AFAP1: variants seen among roughly 807,000 people sequenced by gnomAD.
AFAP1 encodes actin filament associated protein 1.
In AFAP1, 75 loss-of-function variants were observed where a neutral mutation model predicts 93.9. The ratio of observed to expected loss-of-function variants is 0.80; its 90% confidence interval spans 0.66 to 0.97. The LOEUF is 0.97. AFAP1 is among the 50% of genes least tolerant of loss of function. The pLI is 0.00. For missense variants in AFAP1, 1,201 were observed against 1,050.8 expected (o/e 1.14, Z -1.98); for synonymous variants, 517 against 430.7 (o/e 1.20, Z -2.48).
chr4:7,919,996 T>C (rs1044206674), intron 1 of AFAP1, among the ~76,000 whole-genome samples: 161 of 152,314 alleles, frequency 1.1e-3, no homozygotes, highest in African/African-American at 3.5e-3. Context: ...GATGGGTGAA[T>C]AGTATTCCAT....
chr4:7,925,926 T>A (rs1720708437), intron 1 of AFAP1, among the ~76,000 whole-genome samples: 1 of 152,202 alleles, frequency 6.6e-6, no homozygotes, highest in African/African-American at 2.4e-5. Flanking sequence ...TCTATCTTCA[T>A]CTTTAATAAA....
chr4:7,857,827 C>G (rs1423196053), intron 3 of AFAP1, among the ~76,000 whole-genome samples: 3 of 152,198 alleles, frequency 2.0e-5, no homozygotes, highest in Non-Finnish European at 4.4e-5. Context: ...AGGTCAGACT[C>G]CTTTCCTCAG....
intron 4 of AFAP1, among the ~76,000 whole-genome samples, chr4:7,850,222 A>G (rs77194227): frequency 0.021 from 3,126 of 152,308 alleles, 110 homozygotes; most frequent in African/African-American, 0.071. Context: ...CTATGAGGAT[A>G]AAATGAAGGA....
chr4:7,858,696 C>T (rs965631162), intron 3 of AFAP1, among the ~76,000 whole-genome samples: 31 of 152,180 alleles, frequency 2.0e-4, no homozygotes, highest in Non-Finnish European at 3.8e-4. Flanking sequence ...AGGCGCACAG[C>T]CACTCACATC....
intron 1 of AFAP1, among the ~76,000 whole-genome samples, chr4:7,931,886 A>T (rs1032930115): frequency 6.6e-6 from 1 of 151,636 alleles, no homozygotes; most frequent in African/African-American, 2.4e-5. Flanking sequence ...TTTGAGACGG[A>T]GTCTCACTTT....
intron 1 of AFAP1, among the ~76,000 whole-genome samples, chr4:7,877,178 T>C (rs1717560801): frequency 1.3e-5 from 2 of 151,758 alleles, no homozygotes; most frequent in Admixed American, 1.3e-4. Context: ...TATGTTTATC[T>C]CCTAACACCT....
rs568109796 is a variant in AFAP1 at position 7,773,036 on chromosome 4, T to C, written c.2063-26A>G. On this transcript the variant is annotated intron_variant, in intron 15 of 17. Transcript: ENST00000420658. The stretch of plus-strand genomic sequence containing the variant: ...CTGGAATTCCCAGAAACGCCGTTAC[T>C]CCCGCGGCAGGCACAGGTTCTCCAA... The C allele has an allele frequency of 9.4e-6, 15 of 1,597,940 alleles. 1 individual carries two copies. In the East Asian group the frequency reaches 2.9e-4, roughly 31 times the overall value.
intron 1 of AFAP1, among the ~76,000 whole-genome samples, chr4:7,881,109 C>T (rs185268753): frequency 2.0e-5 from 3 of 152,284 alleles, no homozygotes; most frequent in East Asian, 3.9e-4. Flanking sequence ...TATAGAAACT[C>T]CCAGGACCTA....
chr4:7,842,977 T>C (rs1234805866), intron 5 of AFAP1, 162 bp downstream of exon 5: 3 of 709,208 alleles, frequency 4.2e-6, no homozygotes, highest in Non-Finnish European at 6.9e-6. Context: ...TGATGGCATG[T>C]GGGGGCCCCT....
rs1713910817 is a variant in AFAP1, at chr4:7,762,220, C to G, written c.*1545G>C. On this transcript the variant is annotated 3_prime_UTR_variant, in exon 18 of 18. Transcript: ENST00000420658. The stretch of plus-strand genomic sequence containing the variant: ...CTGTAAAGTCCCGTGCACCACACAG[C>G]TAGCGCTCTGAAAGTATGTCTGGGG... The G allele has an allele frequency of 6.6e-6, 1 of 152,260 alleles. No individual in the cohort carries two copies. The highest frequency in any genetic ancestry group is 1.5e-5 in the Non-Finnish European group (1 of 68,056). 9.4% of individuals were successfully genotyped at this position (152,260 alleles called of 1,614,324 possible).
chr4:7,922,833 A>G (rs1248526891), intron 1 of AFAP1, among the ~76,000 whole-genome samples: 1 of 152,122 alleles, frequency 6.6e-6, no homozygotes, highest in Non-Finnish European at 1.5e-5. Context: ...AAAAATTTAA[A>G]AATTAGCTAG....
At position 7,847,142 on chromosome 4, in the gene AFAP1, G is replaced by A. The variant is rs759876724; in HGVS notation, c.335-3792C>T. On this transcript the variant is annotated intron_variant, in intron 4 of 17. Coordinates refer to ENST00000420658, the MANE Select transcript of AFAP1 (RefSeq NM_001134647.2). ...CAAAGGATAATGAACTCTCCAGAAAGTATGCTTAGCAATGACCCAAACAAG... is the reference window on the plus strand; with the variant it reads ...CAAAGGATAATGAACTCTCCAGAAAATATGCTTAGCAATGACCCAAACAAG... 4.9e-4 allele frequency among the ~76,000 whole-genome samples: 75 copies of A among 152,332 alleles called. 1 individual carries two copies. Among genetic ancestry groups the A allele is most frequent in the African/African-American group, 1.7e-3 (71 of 41,588 alleles).
intron 1 of AFAP1, among the ~76,000 whole-genome samples, chr4:7,919,879 A>C (rs1473051549): frequency 6.6e-6 from 1 of 152,090 alleles, no homozygotes; most frequent in Admixed American, 6.6e-5. Flanking sequence ...CCCACTTATA[A>C]GTAAGAACAC....
intron 1 of AFAP1, among the ~76,000 whole-genome samples, chr4:7,905,563 T>G (rs566412882): frequency 6.6e-6 from 1 of 152,230 alleles, no homozygotes; most frequent in Non-Finnish European, 1.5e-5. Flanking sequence ...TCTAAAAAGA[T>G]TTCTTTTTCA....
At chr4:7,887,141 G>A (rs764698534) in intron 1 of AFAP1, among the ~76,000 whole-genome samples, 25 of 152,298 alleles carry the variant, frequency 1.6e-4, no homozygotes, top group Admixed American at 9.1e-4. Flanking sequence ...CTGGTGGAGT[G>A]GGAGACTGGA....
chr4:7,775,868 C>T (rs1157155201), intron 14 of AFAP1: 1 of 152,166 alleles, frequency 6.6e-6, no homozygotes, highest in East Asian at 1.9e-4. Flanking sequence ...CACATAAATG[C>T]TTATTTCATA....
intron 3 of AFAP1, among the ~76,000 whole-genome samples, chr4:7,864,047 A>AACTTCCCATCACAACACC (rs1716083435): frequency 3.0e-5 from 1 of 33,558 alleles, no homozygotes; most frequent in African/African-American, 1.1e-4. Context: ...ATCACAACCC[A>AACTTCCCATCACAACACC]TTCCCAACTT....
chr4:7,786,381 T>A, intron 11 of AFAP1, 70 bp from the exon 12 acceptor site: 1 of 1,321,114 alleles, frequency 7.6e-7, no homozygotes, highest in Non-Finnish European at 1.1e-6. Context: ...AAGTCTTTAA[T>A]GAGTTCTGAC....
intron 9 of AFAP1, among the ~76,000 whole-genome samples, chr4:7,805,125 T>C (rs1719389201): frequency 6.6e-6 from 1 of 152,276 alleles, no homozygotes; most frequent in African/African-American, 2.4e-5. Context: ...GGTCTTAAAC[T>C]CCTGGCATCA....
Sources: allele counts gnomAD v4.1 joint callset (sites outside exome capture counted in the v4.1 genomes callset), GRCh38; gene constraint gnomAD v4.1.1; transcripts MANE v1.5; gene names NCBI Gene and HGNC (gene_info 2026-07-23, HGNC 2026-07-21).